The following NAV1 variants were observed in gnomAD, a reference collection of about 807,000 sequenced individuals.
NAV1 encodes the protein neuron navigator 1.
In NAV1, 18 loss-of-function variants were observed where a neutral mutation model predicts 175.2. The ratio of observed to expected loss-of-function variants is 0.10; its 90% confidence interval spans 0.07 to 0.15. The LOEUF (loss-of-function observed/expected upper bound fraction) is 0.15, where lower values mean the gene tolerates loss of function less well. Ranked by LOEUF, NAV1 falls within the 10% of genes least tolerant of loss-of-function variation. The pLI is 1.00. For missense variants in NAV1, 1,731 were observed against 2,436.6 expected (o/e 0.71, Z 6.10); for synonymous variants, 897 against 978.7 (o/e 0.92, Z 1.56).
At chr1:201,590,664 G>C (rs1287359228) in intron 2 of NAV1, among the ~76,000 whole-genome samples, 1 of 152,212 alleles carries the variant, frequency 6.6e-6, no homozygotes, top group Non-Finnish European at 1.5e-5. Flanking sequence ...TGTTTGGGTG[G>C]GTGAGGCTTG....
At chr1:201,663,853 T>G (rs1252810889) in intron 1 of NAV1, among the ~76,000 whole-genome samples, 4 of 152,102 alleles carry the variant, frequency 2.6e-5, no homozygotes. Context: ...CTAGCCCTGC[T>G]TCTGAGCCAG....
chr1:201,614,020 C>T (rs1358221922), intron 2 of NAV1, among the ~76,000 whole-genome samples: 1 of 107,960 alleles, frequency 9.3e-6, no homozygotes, highest in African/African-American at 3.7e-5. Context: ...GTACAACGGT[C>T]TGAGGGGACT....
Position 201,594,386 on chromosome 1 carries a change from C to G in NAV1, c.-33+5737C>G, listed in dbSNP as rs534718659. 5.9e-5 allele frequency among the ~76,000 whole-genome samples: 9 copies of G among 152,226 alleles called. No homozygotes were observed. In the South Asian group the frequency reaches 1.9e-3, roughly 32 times the overall value. ...GCTGGAATGGAAAGCTTGTGGAGCTCCCAGGCTGCATGGGGTCTGCAGGAA... is the reference window on the plus strand; with the variant it reads ...GCTGGAATGGAAAGCTTGTGGAGCTGCCAGGCTGCATGGGGTCTGCAGGAA... On this transcript the variant is annotated intron_variant, in intron 2 of 33. Coordinates refer to the NAV1 transcript ENST00000685211.
At chr1:201,685,456 T>C (rs556638644) in intron 1 of NAV1, among the ~76,000 whole-genome samples, 3 of 152,160 alleles carry the variant, frequency 2.0e-5, no homozygotes, top group Non-Finnish European at 4.4e-5. Context: ...TTCCCCCAAG[T>C]GATGCTCTGT....
rs372341507 is a variant in NAV1 at position 201,794,915 on chromosome 1, A to ACAC, written c.3517+338_3517+339insCAC. 498 of 224,850 alleles carry ACAC rather than the reference A, an allele frequency of 2.2e-3. 4 individuals are homozygous for ACAC. Among genetic ancestry groups the ACAC allele is most frequent in the African/African-American group, 0.011 (467 of 43,550 alleles). 13.9% of individuals were successfully genotyped at this position (224,850 alleles called of 1,614,324 possible). ...TGTGTTGTGTGTCCACACACACACAAACAATCTTATTTGATCCTCACTTTA... is the reference window on the plus strand; with the variant it reads ...TGTGTTGTGTGTCCACACACACACAACACACAATCTTATTTGATCCTCACTTTA... On this transcript the variant is annotated intron_variant, in intron 15 of 29. Transcript: ENST00000367296.
intron 3 of NAV1, among the ~76,000 whole-genome samples, chr1:201,756,798 T>C (rs1674491786): frequency 2.1e-5 from 1 of 47,826 alleles, no homozygotes; most frequent in African/African-American, 1.2e-4. Context: ...GCAATTCTCT[T>C]TCTTTCTTTC....
intron 1 of NAV1, among the ~76,000 whole-genome samples, chr1:201,691,109 T>C (rs906060909): frequency 6.6e-6 from 1 of 152,050 alleles, no homozygotes; most frequent in Admixed American, 6.6e-5. Flanking sequence ...GCATTTTGGG[T>C]CAGTTAATTC....
exon 1 of NAV1, chr1:201,648,770 G>A: frequency 1.4e-6 from 2 of 1,409,184 alleles, no homozygotes; most frequent in Non-Finnish European, 1.8e-6. Flanking sequence ...GCAGGAAGGC[G>A]GCAGCGGCGG....
intron 1 of NAV1, among the ~76,000 whole-genome samples, chr1:201,557,298 T>C (rs923034682): frequency 2.0e-5 from 3 of 152,208 alleles, no homozygotes; most frequent in African/African-American, 7.2e-5. Context: ...CAAGAGATTC[T>C]GGAAGAAAGA....
chr1:201,721,939 C>T (rs1375250597), intron 3 of NAV1, among the ~76,000 whole-genome samples: 9 of 152,200 alleles, frequency 5.9e-5, no homozygotes, highest in African/African-American at 2.2e-4. Flanking sequence ...CCTCCAGTGA[C>T]CAGGCCCCTT....
At chr1:201,623,050 C>G (rs1290373024) in exon 1 of NAV1, 2 of 985,888 alleles carry the variant, frequency 2.0e-6, no homozygotes, top group Non-Finnish European at 2.4e-6. Flanking sequence ...AGCAGCCTCC[C>G]CCAGACTGGG....
chr1:201,672,519 G>T (rs1220218771), intron 1 of NAV1, among the ~76,000 whole-genome samples: 3 of 152,180 alleles, frequency 2.0e-5, no homozygotes, highest in South Asian at 2.1e-4. Context: ...TAATAGTTCA[G>T]TGAACCCACA....
At chr1:201,617,992 G>A (rs1413053878), upstream of NAV1, among the ~76,000 whole-genome samples, 2 of 152,176 alleles carry the variant, frequency 1.3e-5, no homozygotes, top group African/African-American at 2.4e-5. Flanking sequence ...CATTAAGAAT[G>A]TAAACTGGGT....
chr1:201,738,648 A>G (rs1673220317), intron 3 of NAV1, among the ~76,000 whole-genome samples: 2 of 152,062 alleles, frequency 1.3e-5, no homozygotes, highest in African/African-American at 2.4e-5. Flanking sequence ...CAGGAGTGCA[A>G]ACCTCTCCCT....
chr1:201,721,802 C>T (rs747137496), intron 3 of NAV1, among the ~76,000 whole-genome samples: 2 of 152,152 alleles, frequency 1.3e-5, no homozygotes, highest in African/African-American at 4.8e-5. Context: ...CCAAGCTATC[C>T]GAGTGAGCCA....
At chr1:201,574,859 GC>G (rs1277822829) in intron 1 of NAV1, among the ~76,000 whole-genome samples, 5 of 152,156 alleles carry the variant, frequency 3.3e-5, no homozygotes, top group African/African-American at 1.2e-4. Flanking sequence ...GGGGCTTGTT[GC>G]CCCCGCCACA....
At chr1:201,642,665 T>A (rs1257820151) in intron 2 of NAV1, among the ~76,000 whole-genome samples, 5 of 135,084 alleles carry the variant, frequency 3.7e-5, no homozygotes, top group Non-Finnish European at 7.8e-5. Context: ...TTCCTTCCCT[T>A]CCTTCCCTCC....
intron 1 of NAV1, among the ~76,000 whole-genome samples, chr1:201,650,389 G>A (rs1254060395): frequency 6.6e-6 from 1 of 152,228 alleles, no homozygotes; most frequent in Non-Finnish European, 1.5e-5. Context: ...GGCCCTCTTG[G>A]GGCCACGGAA....
rs1299518858 is a variant in NAV1, at chr1:201,807,889, C to T, written c.3649-64C>T. ...TCTCTCTGTCTCAGAAGTCTCAATC[C>T]AGTCCTCCCCCATCCCAGTAGTGGA... On this transcript the variant is annotated intron_variant, in intron 17 of 29. Transcript: ENST00000367296. This position sits in a 1 kb window ranked among gnomAD's most constrained non-coding sequence, Gnocchi z 5.4. The T allele has an allele frequency of 6.6e-7, 1 of 1,524,622 alleles. No homozygotes were observed. The highest frequency in any genetic ancestry group is 9.0e-7 in the Non-Finnish European group (1 of 1,105,840). The allele number at this position is 1,524,622 out of a possible 1,614,324, so 94.4% of individuals were successfully genotyped here. A position where few individuals can be genotyped will look rare whatever the true frequency, so the allele number is the denominator to read the frequency against.
Sources: allele counts gnomAD v4.1 joint callset (sites outside exome capture counted in the v4.1 genomes callset), GRCh38; gene constraint gnomAD v4.1.1; non-coding constraint Gnocchi (gnomAD v3.1); transcripts MANE v1.5; gene names NCBI Gene and HGNC (gene_info 2026-07-23, HGNC 2026-07-21).